Variants in LYN observed in about 807,000 individuals in gnomAD.
LYN encodes LYN proto-oncogene, Src family tyrosine kinase.
Under a neutral mutation model 65.0 loss-of-function variants are expected in LYN, and 12 were observed. The ratio of observed to expected loss-of-function variants is 0.18; its 90% CI spans 0.12 to 0.30. LYN has a LOEUF of 0.30. LYN is among the 10% of genes least tolerant of loss of function. The pLI is 1.00. For synonymous variants in LYN, 222 were observed against 221.2 expected, an observed-to-expected ratio of 1.00 and a Z score of -0.03; for missense variants, 380 against 623.2, an observed-to-expected ratio of 0.61 and a Z score of 4.16.
intron 1 of LYN, among the ~76,000 whole-genome samples, chr8:55,909,944 G>A (rs1357056094): frequency 6.8e-6 from 1 of 146,784 alleles, no homozygotes; most frequent in Non-Finnish European, 1.5e-5. Flanking sequence ...ATGTATTCAT[G>A]TTCTTTGCCC....
chr8:56,008,042 C>T (rs183792107), intron 12 of LYN, among the ~76,000 whole-genome samples: 648 of 151,350 alleles, frequency 4.3e-3, no homozygotes, highest in Non-Finnish European at 8.1e-3. Flanking sequence ...TCGCTTGAAC[C>T]TGGGAGGCGG....
chr8:55,975,218 AT>A (rs1307459154), intron 10 of LYN, among the ~76,000 whole-genome samples: 1 of 152,204 alleles, frequency 6.6e-6, no homozygotes, highest in East Asian at 1.9e-4. Flanking sequence ...CAGTATACAA[AT>A]GTTAACACAG....
chr8:55,911,107 G>A (rs1164169191), intron 1 of LYN, among the ~76,000 whole-genome samples: 623 of 2,218 alleles, frequency 0.28, 5 homozygotes, highest in Non-Finnish European at 0.33. Flanking sequence ...ATACATACAC[G>A]TATATATACG....
intron 1 of LYN, among the ~76,000 whole-genome samples, chr8:55,901,511 A>C (rs1022196558): frequency 3.3e-5 from 5 of 152,174 alleles, no homozygotes; most frequent in African/African-American, 1.2e-4. Context: ...CCTCCCTGGA[A>C]CTACTTCTGG....
intron 10 of LYN, among the ~76,000 whole-genome samples, chr8:55,975,107 G>A (rs576081674): frequency 6.6e-6 from 1 of 152,320 alleles, no homozygotes; most frequent in East Asian, 1.9e-4. Flanking sequence ...AGGAATCTGA[G>A]CCGGGTGCCG....
intron 1 of LYN, among the ~76,000 whole-genome samples, chr8:55,903,142 C>T (rs533879088): frequency 6.6e-5 from 10 of 152,134 alleles, no homozygotes; most frequent in South Asian, 2.1e-4. Flanking sequence ...CCACTGCGCC[C>T]GGCCTACGCC....
In LYN at chr8:56,011,848, GT is replaced by G; in HGVS notation, c.*1743del. The G allele has an allele frequency of 5.4e-6, 1 of 183,700 alleles. No individual in the cohort carries two copies. Among genetic ancestry groups the G allele is most frequent in the Non-Finnish European group, 1.2e-5 (1 of 86,490 alleles). The allele number at this position is 183,700 out of a possible 1,614,324, so 11.4% of individuals were successfully genotyped here. On this transcript the variant is annotated 3_prime_UTR_variant, in exon 13 of 13. Transcript: ENST00000519728. ...GCTGGTCCCTTGATTCAGTGGTAAGGTTTTTGTGTACACCCCCCTGCTTGCA... is the reference window on the plus strand; with the variant it reads ...GCTGGTCCCTTGATTCAGTGGTAAGGTTTTGTGTACACCCCCCTGCTTGCA...
Position 55,879,888 on chromosome 8 carries a change from G to C in LYN, c.-221G>C, listed in dbSNP as rs1391623963. The C allele has an allele frequency of 5.3e-6, 1 of 187,134 alleles. No individual in the cohort carries two copies. The highest frequency in any genetic ancestry group is 1.1e-5 in the Non-Finnish European group (1 of 91,040). 11.6% of individuals were successfully genotyped at this position (187,134 alleles called of 1,614,324 possible). On this transcript the variant is annotated 5_prime_UTR_variant, in exon 1 of 13. Coordinates refer to ENST00000519728, the MANE Select transcript of LYN (RefSeq NM_002350.4). ...CTGCCGCTCGCTCCCCGGCCGTGGC[G>C]CCTCCGGGCCAGACGCGCTGCAGCC...
chr8:56,010,260 A>G lies in LYN; in HGVS notation c.*150A>G, dbSNP rs549731353. Reference sequence around the variant, plus strand: ...AGAGGCTAAATTACTCAGGAAGAACACCCTCTAAATGGGAAAGTATTCTGT... The same window carrying G: ...AGAGGCTAAATTACTCAGGAAGAACGCCCTCTAAATGGGAAAGTATTCTGT... On this transcript the variant is annotated 3_prime_UTR_variant, in exon 13 of 13. Transcript: ENST00000519728. 1.4e-6 allele frequency: 1 copy of G among 729,132 alleles called. No individual in the cohort carries two copies. Among genetic ancestry groups the G allele is most frequent in the East Asian group, 2.7e-5 (1 of 36,774 alleles). The allele number at this position is 729,132 out of a possible 1,614,324, so 45.2% of individuals were successfully genotyped here.
intron 8 of LYN, among the ~76,000 whole-genome samples, chr8:55,966,111 C>A (rs1357171825): frequency 6.6e-6 from 1 of 151,922 alleles, no homozygotes; most frequent in East Asian, 1.9e-4. Flanking sequence ...GGCGACAGAG[C>A]AAGACGTAGT....
chr8:55,984,190 A>T (rs180935864), intron 10 of LYN, among the ~76,000 whole-genome samples: 2 of 151,048 alleles, frequency 1.3e-5, no homozygotes, highest in African/African-American at 4.9e-5. Flanking sequence ...ATCTGGAAAG[A>T]CTCTATTTCC....
At chr8:55,954,116 T>C in intron 8 of LYN, 132 bp downstream of exon 8, 1 of 1,019,168 alleles carries the variant, frequency 9.8e-7, no homozygotes, top group Non-Finnish European at 1.4e-6. Flanking sequence ...TTTGTTTTCC[T>C]CTGTCCATTG....
chr8:55,931,020 T>C (rs1040444276), intron 1 of LYN, among the ~76,000 whole-genome samples: 2 of 151,902 alleles, frequency 1.3e-5, no homozygotes, highest in African/African-American at 4.8e-5. Context: ...TCAGATTATC[T>C]TATTTTGCTT....
At chr8:55,932,804 G>T (rs1375997634) in intron 1 of LYN, among the ~76,000 whole-genome samples, 1 of 152,186 alleles carries the variant, frequency 6.6e-6, no homozygotes, top group Non-Finnish European at 1.5e-5. Context: ...ATGAAATCAT[G>T]TCCTGGGCAG....
intron 1 of LYN, among the ~76,000 whole-genome samples, chr8:55,939,019 A>G (rs1328373675): frequency 6.6e-6 from 1 of 152,238 alleles, no homozygotes; most frequent in Non-Finnish European, 1.5e-5. Context: ...CTAAGGTGGA[A>G]ATCATTGTAA....
At chr8:55,911,412 G>T (rs141018197) in intron 1 of LYN, among the ~76,000 whole-genome samples, 72 of 146,220 alleles carry the variant, frequency 4.9e-4, no homozygotes, top group Non-Finnish European at 7.3e-4. Context: ...GTGAGCCACC[G>T]CACCCAACCG....
At chr8:55,886,631 G>A (rs1177538671) in intron 1 of LYN, among the ~76,000 whole-genome samples, 1 of 152,174 alleles carries the variant, frequency 6.6e-6, no homozygotes, top group Non-Finnish European at 1.5e-5. Context: ...AAACAAAATA[G>A]AAAAAGGAAA....
intron 10 of LYN, among the ~76,000 whole-genome samples, chr8:55,988,701 C>G (rs1384249074): frequency 6.6e-6 from 1 of 151,966 alleles, no homozygotes; most frequent in African/African-American, 2.4e-5. Context: ...AAATGTTTTC[C>G]AAGCAGCCAA....
intron 1 of LYN, among the ~76,000 whole-genome samples, chr8:55,900,674 C>A (rs1381396665): frequency 6.6e-6 from 1 of 151,714 alleles, no homozygotes; most frequent in African/African-American, 2.4e-5. Context: ...AGCCATTGTG[C>A]CCAGTTTAAT....
Sources: allele counts gnomAD v4.1 joint callset (sites outside exome capture counted in the v4.1 genomes callset), GRCh38; gene constraint gnomAD v4.1.1; transcripts MANE v1.5; gene names NCBI Gene and HGNC (gene_info 2026-07-23, HGNC 2026-07-21).